Variants in HBS1L observed in about 807,000 individuals in gnomAD.
HBS1L encodes the protein HBS1-like protein.
HBS1L carries 55 observed loss-of-function variants against 88.9 expected under a neutral mutation model. That is an observed-to-expected ratio of 0.62 (90% CI 0.50 to 0.77). The LOEUF (loss-of-function observed/expected upper bound fraction) is 0.77. Ranked by LOEUF, HBS1L falls within the 30% of genes least tolerant of loss-of-function variation. HBS1L has a pLI of 0.00. For missense variants in HBS1L, 741 were observed against 829.3 expected (o/e 0.89, Z 1.31); for synonymous variants, 267 against 288.5 (o/e 0.93, Z 0.76).
chr6:135,025,129 T>A (rs1776190386), intron 4 of HBS1L, among the ~76,000 whole-genome samples: 1 of 152,154 alleles, frequency 6.6e-6, no homozygotes, highest in Non-Finnish European at 1.5e-5. Context: ...GATGTTTCTA[T>A]CCCAATCTTC....
chr6:134,978,740 G>A lies in HBS1L; in HGVS notation c.1736C>T (p.Thr579Ile), dbSNP rs1205587876. 3 of 1,610,054 alleles carry A rather than the reference G, an allele frequency of 1.9e-6. No individual in the cohort carries two copies. The highest frequency in any genetic ancestry group is 2.5e-6 in the Non-Finnish European group (3 of 1,177,864). The stretch of plus-strand genomic sequence containing the variant: ...GATGAGGATTCGGGCTCTGAAACGA[G>A]TGCAAGCTTTAATGGGTACTTTGGG... ...CGPKVPIKAC[T>I]RFRARILIFN... The change falls in exon 15 of 18, where the codon ACT (threonine) becomes ATT (isoleucine). Residue 579 changes from threonine (T) to isoleucine (I), a missense_variant. Thr to Ile is a moderately conservative substitution (Grantham distance 89). This residue lies in a region of HBS1L where 181 missense variants were observed against 212.7 expected (regional missense o/e 0.85). Transcript: ENST00000367837.
chr6:135,015,554 T>G lies in HBS1L; in HGVS notation c.431-12712A>C, dbSNP rs1483927681. Among the ~76,000 whole-genome samples the G allele has an allele frequency of 3.3e-5, 5 of 152,206 alleles. No individual in the cohort carries two copies. In the East Asian group the frequency reaches 9.6e-4, roughly 29 times the overall value. ...ACAAAAACTGCCAACAAAGTGCCTCTAAATGTAAATATACACACACATACT... is the reference window on the plus strand; with the variant it reads ...ACAAAAACTGCCAACAAAGTGCCTCGAAATGTAAATATACACACACATACT... On this transcript the variant is annotated intron_variant, in intron 4 of 17. Coordinates refer to ENST00000367837, the MANE Select transcript of HBS1L (RefSeq NM_006620.4).
At chr6:135,054,516 T>G (rs1777186353) in intron 1 of HBS1L, 133 bp downstream of exon 1, 1 of 991,200 alleles carries the variant, frequency 1.0e-6, no homozygotes, top group East Asian at 2.6e-5. Flanking sequence ...CCTGTTATAT[T>G]CCCCAACTGG....
At chr6:135,035,694 T>A (rs1444346374) in intron 4 of HBS1L, among the ~76,000 whole-genome samples, 17 of 134,526 alleles carry the variant, frequency 1.3e-4, no homozygotes, top group African/African-American at 4.6e-4. Context: ...GAGCTTGCAG[T>A]GAGCAGAGAT....
chr6:135,003,426 G>C (rs1775520133), intron 4 of HBS1L, among the ~76,000 whole-genome samples: 3 of 152,062 alleles, frequency 2.0e-5, no homozygotes, highest in Non-Finnish European at 4.4e-5. Context: ...AATTAGTCAG[G>C]CATGGTGACA....
chr6:135,046,678 G>A (rs1371080253), intron 2 of HBS1L, among the ~76,000 whole-genome samples: 1 of 152,168 alleles, frequency 6.6e-6, no homozygotes, highest in African/African-American at 2.4e-5. Context: ...GGGCAGCATA[G>A]TGAGACCAGG....
At chr6:135,009,405 T>C (rs954193229) in intron 4 of HBS1L, among the ~76,000 whole-genome samples, 1 of 151,976 alleles carries the variant, frequency 6.6e-6, no homozygotes. Context: ...TGAAATGAGA[T>C]TTGATTTGAC....
At chr6:135,006,564 G>C (rs1178822861) in intron 4 of HBS1L, among the ~76,000 whole-genome samples, 2 of 152,088 alleles carry the variant, frequency 1.3e-5, no homozygotes, top group Non-Finnish European at 2.9e-5. Context: ...AATCAAGGGG[G>C]GGAAATGATG....
chr6:135,037,971 A>T (rs1181027347), intron 4 of HBS1L: 7 of 1,541,458 alleles, frequency 4.5e-6, no homozygotes, highest in African/African-American at 1.4e-5. Flanking sequence ...TTGCTGACTG[A>T]GGATAAGAAC....
chr6:134,969,168 C>T, intron 16 of HBS1L, 70 bp downstream of exon 16: 1 of 996,750 alleles, frequency 1.0e-6, no homozygotes, highest in South Asian at 1.3e-5. Flanking sequence ...AGAAATACTA[C>T]ACAAATGAGT....
At chr6:135,043,285 T>C (rs1362076812) in intron 2 of HBS1L, among the ~76,000 whole-genome samples, 1 of 152,212 alleles carries the variant, frequency 6.6e-6, no homozygotes, top group Non-Finnish European at 1.5e-5. Flanking sequence ...ATAGATATAA[T>C]ATTCAAAAGG....
chr6:134,985,985 G>T, intron 11 of HBS1L, 81 bp downstream of exon 11: 1 of 705,138 alleles, frequency 1.4e-6, no homozygotes, highest in Non-Finnish European at 2.5e-6. Context: ...TCATACGTGT[G>T]ACTCTCTCCC....
rs182995295 is a variant in HBS1L, at chr6:135,039,629, A to C, written c.374T>G (p.Val125Gly). The change falls in exon 4 of 18, where the codon GTG (valine) becomes GGG (glycine). Residue 125 changes from valine to glycine, a missense_variant. This residue lies in a region of HBS1L where 556 missense variants were observed against 598.4 expected (regional missense o/e 0.93). Transcript: ENST00000367837. ...CTCATTCTTGTCCTTCAAACTCTGC[A>C]CTCTATCTTGTTCCAGAACCCCTGA... ...ALSGVLEQDR[V>G]QSLKDKNEAT... 2 of 1,614,088 alleles carry C rather than the reference A, an allele frequency of 1.2e-6. No homozygotes were observed. The highest frequency in any genetic ancestry group is 1.7e-6 in the Non-Finnish European group (2 of 1,179,988).
intron 4 of HBS1L, among the ~76,000 whole-genome samples, chr6:135,033,064 T>C (rs186385162): frequency 3.3e-5 from 5 of 152,164 alleles, no homozygotes; most frequent in African/African-American, 1.2e-4. Flanking sequence ...AAAACATCCA[T>C]CCATGAACAA....
chr6:135,052,932 G>C (rs1259028005), intron 1 of HBS1L, among the ~76,000 whole-genome samples: 4 of 152,142 alleles, frequency 2.6e-5, no homozygotes, highest in Admixed American at 2.6e-4. Context: ...TTTCTTAACA[G>C]AATTTTTAAA....
chr6:134,986,347 T>G (rs4376364), intron 10 of HBS1L, among the ~76,000 whole-genome samples, 164 bp from the exon 11 acceptor site: 19,829 of 152,100 alleles, frequency 0.13, 1,572 homozygotes, highest in East Asian at 0.27. Flanking sequence ...ATCCAATAAT[T>G]TTCAACTTTT....
rs1291214898 is a variant in HBS1L, at chr6:135,036,816, A to G, written c.430+2757T>C. ...GGGCCTTGGTCCAAGAGAGAGAAAAAGGTGGTTTCCTAGTCAGAGAGCCTT... is the reference window on the plus strand; with the variant it reads ...GGGCCTTGGTCCAAGAGAGAGAAAAGGGTGGTTTCCTAGTCAGAGAGCCTT... On this transcript the variant is annotated intron_variant, in intron 4 of 17. Coordinates refer to ENST00000367837, the MANE Select transcript of HBS1L (RefSeq NM_006620.4). 2.6e-6 allele frequency: 4 copies of G among 1,551,832 alleles called. No homozygotes were observed. In the South Asian group the frequency reaches 3.6e-5, roughly 14 times the overall value.
intron 8 of HBS1L, among the ~76,000 whole-genome samples, chr6:134,990,925 C>T (rs1202164262): frequency 1.3e-5 from 2 of 152,100 alleles, no homozygotes; most frequent in Non-Finnish European, 2.9e-5. Context: ...ACTACAACTG[C>T]TTCTGGTGTT....
intron 2 of HBS1L, among the ~76,000 whole-genome samples, chr6:135,044,646 C>T (rs2114916641): frequency 6.6e-6 from 1 of 152,302 alleles, no homozygotes; most frequent in South Asian, 2.1e-4. Flanking sequence ...ATACACCTTA[C>T]AATTCATGGC....
Sources: gnomAD v4.1 joint callset for allele counts (sites outside exome capture counted in the v4.1 genomes callset) on GRCh38, gnomAD v4.1.1 for gene constraint, gnomAD v4.1.1 regional missense constraint, MANE v1.5 for transcripts, NCBI Gene and HGNC (gene_info 2026-07-23, HGNC 2026-07-21) for gene names.